Variants in CACNA2D1 observed in about 807,000 individuals in gnomAD.
CACNA2D1 encodes the protein calcium voltage-gated channel auxiliary subunit alpha2delta 1.
In CACNA2D1, 53 loss-of-function variants were observed where a neutral mutation model predicts 171.5. That is an observed-to-expected ratio of 0.31 (90% confidence interval 0.25 to 0.39). The LOEUF (loss-of-function observed/expected upper bound fraction) is 0.39. Among genes scored for constraint, CACNA2D1 ranks in the 10% least tolerant of loss-of-function variants. CACNA2D1 has a pLI of 1.00. For missense variants in CACNA2D1, 903 were observed against 1,299.8 expected, an observed-to-expected ratio of 0.69 and a Z score of 4.69; for synonymous variants, 442 against 443.1, an observed-to-expected ratio of 1.00 and a Z score of 0.03.
At chr7:82,292,547 A>G (rs13437715) in intron 3 of CACNA2D1, among the ~76,000 whole-genome samples, 16,340 of 152,116 alleles carry the variant, frequency 0.11, 1,961 homozygotes, top group African/African-American at 0.29. Flanking sequence ...TGGATATACA[A>G]TTCTAGTTTG....
chr7:82,165,926 A>G (rs1463023522), intron 4 of CACNA2D1, among the ~76,000 whole-genome samples: 1 of 152,042 alleles, frequency 6.6e-6, no homozygotes, highest in Non-Finnish European at 1.5e-5. Context: ...AGACAATGCT[A>G]CGCTCTCACT....
intron 4 of CACNA2D1, among the ~76,000 whole-genome samples, chr7:82,150,676 A>G (rs1195126363): frequency 3.3e-5 from 5 of 152,146 alleles, no homozygotes; most frequent in East Asian, 3.8e-4. Context: ...TATGATATAA[A>G]TTACCTGCTA....
chr7:82,187,701 T>C (rs1029840148), intron 3 of CACNA2D1, among the ~76,000 whole-genome samples: 3 of 152,192 alleles, frequency 2.0e-5, no homozygotes, highest in African/African-American at 7.2e-5. Context: ...ACCTACTTTC[T>C]ATATGTAGAG....
intron 3 of CACNA2D1, among the ~76,000 whole-genome samples, chr7:82,220,200 T>C (rs939502868): frequency 3.3e-5 from 5 of 152,156 alleles, no homozygotes; most frequent in African/African-American, 1.2e-4. Flanking sequence ...ATACAAAAAA[T>C]AATCTGAAAA....
At chr7:82,015,675 A>C (rs528798552) in intron 12 of CACNA2D1, among the ~76,000 whole-genome samples, 2 of 152,186 alleles carry the variant, frequency 1.3e-5, no homozygotes, top group African/African-American at 4.8e-5. Context: ...CATGAGTTCA[A>C]ATTCCAGTTT....
Position 81,947,880 on chromosome 7 carries a change from G to A in CACNA2D1, c.*2512C>T, listed in dbSNP as rs917808201. 3.3e-5 allele frequency: 5 copies of A among 151,774 alleles called. No homozygotes were observed. Among genetic ancestry groups the A allele is most frequent in the Admixed American group, 2.6e-4 (4 of 15,186 alleles). The allele number at this position is 151,774 out of a possible 1,614,324, so 9.4% of individuals were successfully genotyped here. A position where few individuals can be genotyped will look rare whatever the true frequency, so the allele number is the denominator to read the frequency against. On this transcript the variant is annotated 3_prime_UTR_variant, in exon 39 of 39. Coordinates refer to ENST00000356860, the MANE Select transcript of CACNA2D1 (RefSeq NM_000722.4). ...GCTTGTTCTTACCCAATTTGTAATTGCATTTATGGTTGTCATAATATATAA... is the reference window on the plus strand; with the variant it reads ...GCTTGTTCTTACCCAATTTGTAATTACATTTATGGTTGTCATAATATATAA...
intron 7 of CACNA2D1, among the ~76,000 whole-genome samples, chr7:82,067,067 A>C (rs1222305714): frequency 1.3e-5 from 2 of 152,170 alleles, no homozygotes; most frequent in Admixed American, 1.3e-4. Flanking sequence ...AATGATGTGA[A>C]GTAATTCAAG....
intron 3 of CACNA2D1, among the ~76,000 whole-genome samples, chr7:82,170,925 T>G (rs946214466): frequency 3.9e-5 from 6 of 152,082 alleles, no homozygotes; most frequent in African/African-American, 1.4e-4. Context: ...GAAAAACACT[T>G]AAGTATACTA....
At chr7:82,200,457 A>G (rs1429610360) in intron 3 of CACNA2D1, among the ~76,000 whole-genome samples, 1 of 152,110 alleles carries the variant, frequency 6.6e-6, no homozygotes, top group African/African-American at 2.4e-5. Flanking sequence ...GGATATTTCT[A>G]TCTTAAAAAA....
chr7:82,429,374 T>C (rs59502131), intron 1 of CACNA2D1, among the ~76,000 whole-genome samples: 17,923 of 152,016 alleles, frequency 0.12, 1,157 homozygotes, highest in Middle Eastern at 0.18. Flanking sequence ...TTAGGGTAGA[T>C]ATATAGAGGC....
At chr7:82,438,930 A>G (rs970239078) in intron 1 of CACNA2D1, among the ~76,000 whole-genome samples, 2 of 152,156 alleles carry the variant, frequency 1.3e-5, no homozygotes, top group African/African-American at 4.8e-5. Context: ...TTTTTTCCCA[A>G]AATGTTATGT....
At chr7:82,142,359 G>T (rs1792500207) in intron 4 of CACNA2D1, among the ~76,000 whole-genome samples, 2 of 152,146 alleles carry the variant, frequency 1.3e-5, no homozygotes, top group South Asian at 2.1e-4. Flanking sequence ...TCTCTTGGGA[G>T]TCAAAAATTA....
At position 82,242,719 on chromosome 7, in the gene CACNA2D1, A is replaced by G. The variant is rs1804451820; in HGVS notation, c.295-72110T>C. 2.0e-5 allele frequency among the ~76,000 whole-genome samples: 3 copies of G among 152,274 alleles called. No individual in the cohort carries two copies. In the South Asian group the frequency reaches 6.2e-4, roughly 32 times the overall value. ...GATATAGAAAATTTTCCTTCTCCAA[A>G]TAGAGTCACTGCATTGATTTTTTTC... On this transcript the variant is annotated intron_variant, in intron 3 of 38. Coordinates refer to ENST00000356860, the MANE Select transcript of CACNA2D1 (RefSeq NM_000722.4).
At chr7:81,954,489 C>T (rs1558368) in intron 38 of CACNA2D1, among the ~76,000 whole-genome samples, 66,117 of 151,774 alleles carry the variant, frequency 0.44, 14,695 homozygotes, top group East Asian at 0.52. Context: ...AAGTTTTCTT[C>T]ATACAGCATG....
At chr7:82,030,407 GA>G (rs71520796) in intron 12 of CACNA2D1, among the ~76,000 whole-genome samples, 24 of 142,162 alleles carry the variant, frequency 1.7e-4, no homozygotes, top group East Asian at 6.2e-4. Flanking sequence ...TCCGAAACAG[GA>G]AAAAAAAAAA....
At chr7:82,092,099 G>A (rs1437148419) in intron 6 of CACNA2D1, among the ~76,000 whole-genome samples, 1 of 152,148 alleles carries the variant, frequency 6.6e-6, no homozygotes, top group African/African-American at 2.4e-5. Flanking sequence ...TTTTAGTCCA[G>A]TCAGTAATTT....
chr7:82,220,193 C>A (rs1801594035), intron 3 of CACNA2D1, among the ~76,000 whole-genome samples: 1 of 152,114 alleles, frequency 6.6e-6, no homozygotes, highest in Admixed American at 6.5e-5. Context: ...TCAATCAATA[C>A]AAAAAATAAT....
intron 38 of CACNA2D1, among the ~76,000 whole-genome samples, chr7:81,950,924 G>T (rs1372587389): frequency 1.3e-5 from 2 of 151,944 alleles, no homozygotes; most frequent in Non-Finnish European, 2.9e-5. Flanking sequence ...TAAAGTTGGG[G>T]ACTGGTAAAA....
intron 1 of CACNA2D1, among the ~76,000 whole-genome samples, chr7:82,430,097 A>T (rs1320318592): frequency 6.6e-6 from 1 of 152,152 alleles, no homozygotes; most frequent in African/African-American, 2.4e-5. Flanking sequence ...TTTCTATGGC[A>T]AATGTCAAAA....
Sources: allele counts gnomAD v4.1 joint callset (sites outside exome capture counted in the v4.1 genomes callset), GRCh38; gene constraint gnomAD v4.1.1; transcripts MANE v1.5; gene names NCBI Gene and HGNC (gene_info 2026-07-23, HGNC 2026-07-21).